VAX1: variants seen among roughly 807,000 people sequenced by gnomAD.
VAX1 encodes ventral anterior homeobox 1.
Under a neutral mutation model 17.6 loss-of-function variants are expected in VAX1, and 6 were observed. That is an observed-to-expected ratio of 0.34 (90% confidence interval 0.19 to 0.67). VAX1 has a LOEUF of 0.67. Among genes scored for constraint, VAX1 ranks in the 30% least tolerant of loss-of-function variants. The pLI is 0.69. For missense variants in VAX1, 408 were observed against 463.7 expected, an observed-to-expected ratio of 0.88 and a Z score of 1.10; for synonymous variants, 256 against 227.4, an observed-to-expected ratio of 1.13 and a Z score of -1.13.
intron 2 of VAX1, among the ~76,000 whole-genome samples, chr10:117,135,861 C>T (rs2133661881): frequency 6.6e-6 from 1 of 152,368 alleles, no homozygotes; most frequent in East Asian, 1.9e-4. Context: ...ACATCACTGG[C>T]CCAGAAGACA....
At position 117,134,031 on chromosome 10, in the gene VAX1, C is replaced by T; in HGVS notation, c.982G>A (p.Ala328Thr). The change falls in exon 3 of 3, where the codon GCC (alanine) becomes ACC (threonine). Residue 328 changes from alanine to threonine, a missense_variant. Coordinates refer to ENST00000369206, the MANE Select transcript of VAX1 (RefSeq NM_001112704.2). This position sits in a 1 kb window ranked among gnomAD's most constrained non-coding sequence, Gnocchi z 6.2. ...PYSRTNNKEG[A>T]EKKALD ...AATCAGTCCAGCGCTTTTTTCTCGG[C>T]CCCTTCTTTATTGTTGGTCCGGGAG... 6.6e-7 allele frequency: 1 copy of T among 1,523,362 alleles called. No homozygotes were observed. The highest frequency in any genetic ancestry group is 8.8e-7 in the Non-Finnish European group (1 of 1,134,870). The allele number at this position is 1,523,362 out of a possible 1,614,324, so 94.4% of individuals were successfully genotyped here.
chr10:117,130,152 G>A (rs1854066558), downstream of VAX1: 1 of 152,226 alleles, frequency 6.6e-6, no homozygotes, highest in South Asian at 2.1e-4. Context: ...GAGCAGCTAT[G>A]TGGCTTTGAG....
At chr10:117,135,423 C>A (rs1488146578) in intron 2 of VAX1, among the ~76,000 whole-genome samples, 1 of 152,212 alleles carries the variant, frequency 6.6e-6, no homozygotes, top group Non-Finnish European at 1.5e-5. Context: ...CCTCTGCAGG[C>A]CTAGCAGTGG....
At position 117,138,231 on chromosome 10, in the gene VAX1, G is replaced by T; in HGVS notation, c.-175C>A. ...CAAGAATGAATGTCCCCGCGGGGAG[G>T]CTTCGGCGGCCGCGCGCGGGTCAGC... On this transcript the variant is annotated 5_prime_UTR_variant, in exon 1 of 3. Transcript: ENST00000369206. 1.2e-6 allele frequency: 1 copy of T among 810,722 alleles called. No homozygotes were observed. The highest frequency in any genetic ancestry group is 1.9e-6 in the Non-Finnish European group (1 of 526,450). The allele number at this position is 810,722 out of a possible 1,614,324, so 50.2% of individuals were successfully genotyped here.
chr10:117,138,067 A>C lies in VAX1; in HGVS notation c.-11T>G. 7.4e-7 allele frequency: 1 copy of C among 1,342,436 alleles called. No individual in the cohort carries two copies. The highest frequency in any genetic ancestry group is 1.6e-5 in the African/African-American group (1 of 64,156). The allele number at this position is 1,342,436 out of a possible 1,614,324, so 83.2% of individuals were successfully genotyped here. A position where few individuals can be genotyped will look rare whatever the true frequency, so the allele number is the denominator to read the frequency against. ...TGGTTTCCCGAACATAGGCAAGAAC[A>C]ACAACAAAAACAGAAAGGAAAAAAA... On this transcript the variant is annotated 5_prime_UTR_variant, in exon 1 of 3. Coordinates refer to ENST00000369206, the MANE Select transcript of VAX1 (RefSeq NM_001112704.2).
chr10:117,132,205 C>T (rs74159040), downstream of VAX1: 688 of 1,612,076 alleles, frequency 4.3e-4, 4 homozygotes, highest in African/African-American at 8.5e-3. The surrounding 1 kb of genome is among the most constrained non-coding windows in gnomAD (Gnocchi z 4.9). Flanking sequence ...CGCAGGGCCC[C>T]GCACTATAGG....
chr10:117,135,309 A>G (rs764596029), intron 2 of VAX1, among the ~76,000 whole-genome samples: 4 of 152,220 alleles, frequency 2.6e-5, no homozygotes, highest in Non-Finnish European at 5.9e-5. Context: ...CTCTTAGTTT[A>G]TCTCTCCACT....
intron 2 of VAX1, among the ~76,000 whole-genome samples, chr10:117,135,549 A>C (rs929264801): frequency 1.4e-4 from 21 of 152,218 alleles, no homozygotes; most frequent in Non-Finnish European, 1.5e-5. Flanking sequence ...ACTCAAAAAG[A>C]ACACCCCTAT....
chr10:117,129,863 AAAAG>A (rs1446256641), downstream of VAX1: 1 of 151,948 alleles, frequency 6.6e-6, no homozygotes, highest in Non-Finnish European at 1.5e-5. Context: ...GCAGGAAAAA[AAAAG>A]GAAGGAGGGA....
chr10:117,134,610 GGA>G lies in VAX1; in HGVS notation c.430-29_430-28del, dbSNP rs1564971003. 1 of 1,502,724 alleles carries G rather than the reference GGA, an allele frequency of 6.7e-7. No individual in the cohort carries two copies. Among genetic ancestry groups the G allele is most frequent in the Non-Finnish European group, 8.9e-7 (1 of 1,128,112 alleles). 93.1% of individuals were successfully genotyped at this position (1,502,724 alleles called of 1,614,324 possible). On this transcript the variant is annotated intron_variant, in intron 2 of 2. Coordinates refer to ENST00000369206, the MANE Select transcript of VAX1 (RefSeq NM_001112704.2). This position sits in a 1 kb window ranked among gnomAD's most constrained non-coding sequence, Gnocchi z 6.2. Reference sequence around the variant, plus strand: ...TGCGCGCCGGGGTGCGGGGAGAGTTGGAGAGAGGGGCAGGGAAGACCAGCGTC... The same window carrying G: ...TGCGCGCCGGGGTGCGGGGAGAGTTGGAGAGGGGCAGGGAAGACCAGCGTC...
Position 117,137,428 on chromosome 10 carries a change from C to T in VAX1, c.241+388G>A, listed in dbSNP as rs77532535. ...GCTCGCGTTCCCCCTTGGGTGCGCTCAGCCCTCCAGAGCGCGGGAGTCCCC... is the reference window on the plus strand; with the variant it reads ...GCTCGCGTTCCCCCTTGGGTGCGCTTAGCCCTCCAGAGCGCGGGAGTCCCC... On this transcript the variant is annotated intron_variant, in intron 1 of 2. Coordinates refer to ENST00000369206, the MANE Select transcript of VAX1 (RefSeq NM_001112704.2). The surrounding 1 kb of genome is among the most constrained non-coding windows in gnomAD (Gnocchi z 7.4). 7.8e-3 allele frequency among the ~76,000 whole-genome samples: 1,187 copies of T among 152,328 alleles called. 19 individuals carry two copies. The highest frequency in any genetic ancestry group is 0.039 in the East Asian group (199 of 5,158).
chr10:117,136,087 G>C lies in VAX1; in HGVS notation c.429+385C>G, dbSNP rs1037540866. 6.6e-6 allele frequency among the ~76,000 whole-genome samples: 1 copy of C among 152,248 alleles called. No homozygotes were observed. Among genetic ancestry groups the C allele is most frequent in the Non-Finnish European group, 1.5e-5 (1 of 68,044 alleles). On this transcript the variant is annotated intron_variant, in intron 2 of 2. Transcript: ENST00000369206. This position sits in a 1 kb window ranked among gnomAD's most constrained non-coding sequence, Gnocchi z 5.0. Reference sequence around the variant, plus strand: ...AGTACAGCTGGGTGGGCCCACAAGGGGTGGGGCCTAGAAATCTAGCCAAAA... The same window carrying C: ...AGTACAGCTGGGTGGGCCCACAAGGCGTGGGGCCTAGAAATCTAGCCAAAA...
Position 117,136,478 on chromosome 10 carries a change from C to G in VAX1, c.423G>C (p.Glu141Asp), listed in dbSNP as rs1185828769. The G allele has an allele frequency of 3.1e-6, 5 of 1,613,022 alleles. No homozygotes were observed. Among genetic ancestry groups the G allele is most frequent in the African/African-American group, 1.3e-5 (1 of 74,896 alleles). The change falls in exon 2 of 3, where the codon GAG (glutamate) becomes GAC (aspartate). Residue 141 changes from glutamate to aspartate, a missense_variant. By Grantham distance (45) the Glu-to-Asp change is conservative. Around this residue, in one of 4 missense-constraint regions of VAX1, gnomAD observed 75 missense variants for 116.1 expected, o/e 0.65. Transcript: ENST00000369206. The surrounding 1 kb of genome is among the most constrained non-coding windows in gnomAD (Gnocchi z 5.0). ...CGGCCTGGTCGCCGGGTACCTGGGT[C>G]TCGGAGAGGTTAAGCTGCCGGGCGA... ...TELARQLNLS[E>D]TQVKVWFQNR...
downstream of VAX1, chr10:117,130,115 T>C (rs569727184): frequency 1.3e-5 from 2 of 152,244 alleles, no homozygotes; most frequent in South Asian, 2.1e-4. Flanking sequence ...CCTCTGGCCC[T>C]AGGGGGAGCT....
downstream of VAX1, chr10:117,132,089 G>T: frequency 9.7e-7 from 1 of 1,029,304 alleles, no homozygotes. This position sits in a 1 kb window ranked among gnomAD's most constrained non-coding sequence, Gnocchi z 4.9. Context: ...GAAATCGAGA[G>T]CGAAACACTC....
Position 117,134,697 on chromosome 10 carries a change from C to T in VAX1, c.430-114G>A. On this transcript the variant is annotated intron_variant, in intron 2 of 2. Coordinates refer to ENST00000369206, the MANE Select transcript of VAX1 (RefSeq NM_001112704.2). The surrounding 1 kb of genome is among the most constrained non-coding windows in gnomAD (Gnocchi z 6.2). Reference sequence around the variant, plus strand: ...GGCTCTCCCCAAGTCCCAGCCCTATCCGCAGCCCCACCCAGCAGCCGGAGG... The same window carrying T: ...GGCTCTCCCCAAGTCCCAGCCCTATTCGCAGCCCCACCCAGCAGCCGGAGG... 9.0e-7 allele frequency: 1 copy of T among 1,111,798 alleles called. No homozygotes were observed. Among genetic ancestry groups the T allele is most frequent in the Non-Finnish European group, 1.2e-6 (1 of 835,942 alleles). The allele number at this position is 1,111,798 out of a possible 1,614,324, so 68.9% of individuals were successfully genotyped here.
downstream of VAX1, chr10:117,132,207 C>A (rs1161895343): frequency 6.2e-7 from 1 of 1,612,774 alleles, no homozygotes; most frequent in East Asian, 2.2e-5. The surrounding 1 kb of genome is among the most constrained non-coding windows in gnomAD (Gnocchi z 4.9). Flanking sequence ...CAGGGCCCCG[C>A]ACTATAGGGG....
Position 117,138,120 on chromosome 10 carries a change from GCGGA to G in VAX1, c.-68_-65del, listed in dbSNP as rs557795070. On this transcript the variant is annotated 5_prime_UTR_variant, in exon 1 of 3. Coordinates refer to ENST00000369206, the MANE Select transcript of VAX1 (RefSeq NM_001112704.2). Reference sequence around the variant, plus strand: ...GCAAAAAAAAAAAAAAGGGGGGGGGGCGGAGAAGGAAAAAAAAAAGAGGAAAAAG... The same window carrying G: ...GCAAAAAAAAAAAAAAGGGGGGGGGGGAAGGAAAAAAAAAAGAGGAAAAAG... 4.1e-3 allele frequency: 438 copies of G among 107,348 alleles called. 5 individuals carry two copies. The highest frequency in any genetic ancestry group is 7.8e-3 in the Middle Eastern group (2 of 256). 6.6% of individuals were successfully genotyped at this position (107,348 alleles called of 1,614,324 possible).
intron 2 of VAX1, among the ~76,000 whole-genome samples, chr10:117,135,259 C>G (rs1386786831): frequency 6.6e-6 from 1 of 152,198 alleles, no homozygotes; most frequent in Non-Finnish European, 1.5e-5. Flanking sequence ...ATTTCTGCAC[C>G]TCTTCTCACC....
Sources: gnomAD v4.1 joint callset for allele counts (sites outside exome capture counted in the v4.1 genomes callset) on GRCh38, gnomAD v4.1.1 for gene constraint, gnomAD v4.1.1 regional missense constraint, Gnocchi (gnomAD v3.1) non-coding constraint, MANE v1.5 for transcripts, NCBI Gene and HGNC (gene_info 2026-07-23, HGNC 2026-07-21) for gene names.